Variants in CA10 observed in about 807,000 individuals in gnomAD.
CA10 encodes carbonic anhydrase-related protein 10.
Under a neutral mutation model 44.2 loss-of-function variants are expected in CA10, and 14 were observed. The observed-to-expected ratio is 0.32, with a 90% CI of 0.21 to 0.50. The LOEUF (loss-of-function observed/expected upper bound fraction) is 0.50, where lower values mean the gene tolerates loss of function less well. Among genes scored for constraint, CA10 ranks in the 20% least tolerant of loss-of-function variants. The pLI, the probability that CA10 is intolerant of heterozygous loss-of-function variation, is 0.99. For synonymous variants in CA10, 159 were observed against 141.6 expected (o/e 1.12, Z -0.87); for missense variants, 350 against 409.7 (o/e 0.85, Z 1.26).
intron 3 of CA10, among the ~76,000 whole-genome samples, chr17:51,808,279 T>C (rs1165943973): frequency 1.3e-5 from 2 of 152,072 alleles, no homozygotes; most frequent in Non-Finnish European, 2.9e-5. Context: ...AATGTTTATC[T>C]AATGGGTTTA....
At chr17:51,696,755 T>C (rs762184079) in intron 4 of CA10, among the ~76,000 whole-genome samples, 13 of 152,216 alleles carry the variant, frequency 8.5e-5, no homozygotes, top group Non-Finnish European at 1.8e-4. Context: ...TAACTTTTGC[T>C]GTATCCCACA....
chr17:51,980,174 A>G (rs1007538876), intron 2 of CA10, among the ~76,000 whole-genome samples: 2 of 152,042 alleles, frequency 1.3e-5, no homozygotes, highest in Non-Finnish European at 2.9e-5. Context: ...CCTTTTCTCC[A>G]CACCCTCGCC....
chr17:51,706,392 T>C (rs2143476121), intron 4 of CA10, among the ~76,000 whole-genome samples: 1 of 152,334 alleles, frequency 6.6e-6, no homozygotes, highest in South Asian at 2.1e-4. Context: ...TCTCTTTTTC[T>C]CCATAGCATA....
chr17:51,744,588 G>C (rs1904602086), intron 4 of CA10, among the ~76,000 whole-genome samples: 1 of 152,068 alleles, frequency 6.6e-6, no homozygotes, highest in Non-Finnish European at 1.5e-5. Flanking sequence ...ACTTCAGCCT[G>C]GGTAACAGAG....
chr17:51,930,880 C>T, intron 3 of CA10, 110 bp downstream of exon 3: 1 of 1,294,344 alleles, frequency 7.7e-7, no homozygotes, highest in Non-Finnish European at 1.1e-6. Flanking sequence ...CTGTGGTATT[C>T]CTAGGTGGGA....
chr17:51,924,506 T>C (rs966558670), intron 3 of CA10, among the ~76,000 whole-genome samples: 12 of 152,172 alleles, frequency 7.9e-5, no homozygotes, highest in African/African-American at 2.7e-4. Flanking sequence ...TATAGCTTTG[T>C]GTTGGATGTC....
intron 1 of CA10, among the ~76,000 whole-genome samples, chr17:52,130,768 G>C (rs1989220871): frequency 6.6e-6 from 1 of 151,916 alleles, no homozygotes; most frequent in East Asian, 1.9e-4. Context: ...CACTATCATA[G>C]TTCACTAAAG....
In CA10 at chr17:51,752,940, T is replaced by A. The variant is rs144538924; in HGVS notation, c.280-5122A>T. Among the ~76,000 whole-genome samples, 906 of 151,942 alleles carry A rather than the reference T, an allele frequency of 6.0e-3. 4 individuals are homozygous for A. The highest frequency in any genetic ancestry group is 0.021 in the African/African-American group (851 of 41,386). On this transcript the variant is annotated intron_variant, in intron 3 of 8. Coordinates refer to ENST00000451037, the MANE Select transcript of CA10 (RefSeq NM_020178.5). The stretch of plus-strand genomic sequence containing the variant: ...TCTCAAAAATAAATAAATAAATAAA[T>A]AAAATAAAAAACAAGTAAATAAAAA...
intron 4 of CA10, among the ~76,000 whole-genome samples, chr17:51,681,555 C>T (rs1019629351): frequency 7.2e-5 from 11 of 152,212 alleles, no homozygotes; most frequent in East Asian, 3.9e-4. Flanking sequence ...CCACTAGAGA[C>T]GCCAGTAGCA....
At position 51,855,557 on chromosome 17, in the gene CA10, AAGAC is replaced by A. The variant is rs566635960; in HGVS notation, c.279+75429_279+75432del. 3.9e-5 allele frequency among the ~76,000 whole-genome samples: 6 copies of A among 152,290 alleles called. No individual in the cohort carries two copies. The South Asian group carries it at 8.3e-4, about 21-fold the overall frequency. On this transcript the variant is annotated intron_variant, in intron 3 of 8. Transcript: ENST00000451037. ...GAAAGGAAAGAAATGCAAAGAAACAAAGACAGAACCAGTTTCTTGAGGAGCACAG... is the reference window on the plus strand; with the variant it reads ...GAAAGGAAAGAAATGCAAAGAAACAAAGAACCAGTTTCTTGAGGAGCACAG...
intron 4 of CA10, among the ~76,000 whole-genome samples, chr17:51,663,406 C>T (rs1287607316): frequency 2.0e-5 from 3 of 152,138 alleles, no homozygotes; most frequent in Non-Finnish European, 4.4e-5. Flanking sequence ...TCTGCAGGTC[C>T]TTTTGAAACT....
chr17:51,962,718 A>G (rs1385002632), intron 2 of CA10, among the ~76,000 whole-genome samples: 5 of 152,136 alleles, frequency 3.3e-5, no homozygotes, highest in Non-Finnish European at 5.9e-5. Context: ...GGAAAGAGAA[A>G]GGGAAAGAAA....
At chr17:52,070,441 C>A (rs1237916610) in intron 2 of CA10, 1 of 152,174 alleles carries the variant, frequency 6.6e-6, no homozygotes, top group Non-Finnish European at 1.5e-5. Context: ...CAGCAAACCT[C>A]ACAAGGCTGA....
chr17:52,123,535 C>G (rs1989057893), intron 1 of CA10, among the ~76,000 whole-genome samples: 2 of 152,094 alleles, frequency 1.3e-5, no homozygotes, highest in African/African-American at 4.8e-5. Flanking sequence ...TGAAAGAGAT[C>G]TGGTAGAGCA....
At chr17:52,080,079 T>G (rs1987927358) in intron 1 of CA10, among the ~76,000 whole-genome samples, 1 of 152,198 alleles carries the variant, frequency 6.6e-6, no homozygotes, top group Non-Finnish European at 1.5e-5. Context: ...ATTATATTTG[T>G]GTTGGGAGAT....
chr17:51,733,110 C>T (rs1916778358), intron 4 of CA10, among the ~76,000 whole-genome samples: 1 of 152,216 alleles, frequency 6.6e-6, no homozygotes, highest in Non-Finnish European at 1.5e-5. Flanking sequence ...CCGTCAGGAA[C>T]TAGAGCCCCC....
intron 1 of CA10, among the ~76,000 whole-genome samples, chr17:52,108,030 A>G (rs1443496122): frequency 6.6e-6 from 1 of 151,978 alleles, no homozygotes; most frequent in African/African-American, 2.4e-5. Flanking sequence ...TGTTTTTAAA[A>G]ATAAAACGTC....
At chr17:51,655,099 C>T (rs1913740044) in intron 4 of CA10, among the ~76,000 whole-genome samples, 1 of 152,118 alleles carries the variant, frequency 6.6e-6, no homozygotes, top group Non-Finnish European at 1.5e-5. Context: ...AATTATGATT[C>T]TGAACTTGAT....
intron 3 of CA10, among the ~76,000 whole-genome samples, chr17:51,911,153 C>CT (rs1981774756): frequency 6.6e-6 from 1 of 152,150 alleles, no homozygotes; most frequent in Non-Finnish European, 1.5e-5. Flanking sequence ...AGGCCATGCT[C>CT]TAGGTAGCTG....
Sources: gnomAD v4.1 joint callset for allele counts (sites outside exome capture counted in the v4.1 genomes callset) on GRCh38, gnomAD v4.1.1 for gene constraint, MANE v1.5 for transcripts, NCBI Gene and HGNC (gene_info 2026-07-23, HGNC 2026-07-21) for gene names.